The following RLIG1 variants were observed in gnomAD, a reference collection of about 807,000 sequenced individuals.
RLIG1 encodes the protein RNA 5'-phosphate and 3'-OH ligase 1.
At chr12:88,049,006 A>G in the RLIG1 span, 1 of 412,784 alleles carries the variant, frequency 2.4e-6, no homozygotes, top group Non-Finnish European at 4.3e-6. Context: ...TCAAGTATAT[A>G]CTTTTATAAT....
the RLIG1 span, chr12:88,043,985 C>A: frequency 2.5e-6 from 1 of 398,322 alleles, no homozygotes; most frequent in Non-Finnish European, 4.5e-6. Context: ...AAGAGAATAG[C>A]CTTGAGGCCA....
chr12:88,041,018 TAC>T, the RLIG1 span, among the ~76,000 whole-genome samples: 1 of 152,170 alleles, frequency 6.6e-6, no homozygotes, highest in Non-Finnish European at 1.5e-5. Context: ...TAAGTATGTT[TAC>T]ATTGTTGTGC....
At chr12:88,035,627 C>G in the RLIG1 span, 2 of 1,587,908 alleles carry the variant, frequency 1.3e-6, no homozygotes, top group Non-Finnish European at 1.7e-6. Context: ...GCCCTCCATT[C>G]GCACTGCTTG....
the RLIG1 span, chr12:88,035,666 C>A: frequency 6.2e-7 from 1 of 1,607,518 alleles, no homozygotes; most frequent in Non-Finnish European, 8.5e-7. Flanking sequence ...GCTTGGGCTC[C>A]GTGCAGCGGA....
At chr12:88,038,061 T>A in the RLIG1 span, among the ~76,000 whole-genome samples, 1 of 152,168 alleles carries the variant, frequency 6.6e-6, no homozygotes, top group African/African-American at 2.4e-5. Context: ...CAAGTGATTC[T>A]TACTAGTTTT....
the RLIG1 span, among the ~76,000 whole-genome samples, chr12:88,039,573 TTTA>T: frequency 6.6e-6 from 1 of 152,178 alleles, no homozygotes; most frequent in South Asian, 2.1e-4. Flanking sequence ...TCCTCAGATA[TTTA>T]CATGGTATTC....
the RLIG1 span, chr12:88,044,777 C>A: frequency 6.6e-6 from 1 of 152,484 alleles, no homozygotes. Flanking sequence ...CTTAGGCAAA[C>A]TCCCAGGAAG....
chr12:88,035,984 A>G, the RLIG1 span: 1 of 1,515,590 alleles, frequency 6.6e-7, no homozygotes, highest in Non-Finnish European at 8.8e-7. Flanking sequence ...GGAGATTCAA[A>G]CTTGTCCTCG....
the RLIG1 span, chr12:88,050,097 C>A: frequency 3.6e-6 from 1 of 281,040 alleles, no homozygotes; most frequent in Non-Finnish European, 6.5e-6. Context: ...TGACCCAAAA[C>A]TTAAGAACAT....
At chr12:88,044,282 CAAAAG>C in the RLIG1 span, 1 of 152,684 alleles carries the variant, frequency 6.5e-6, no homozygotes, top group Non-Finnish European at 1.5e-5. Context: ...AAAAAAACAA[CAAAAG>C]AAGAGGGAAT....
chr12:88,043,545 T>G, the RLIG1 span: 1 of 1,164,662 alleles, frequency 8.6e-7, no homozygotes, highest in Non-Finnish European at 1.2e-6. Flanking sequence ...TGTTTAGTAT[T>G]TTACGTTTTT....
the RLIG1 span, chr12:88,045,571 TTA>T: frequency 6.3e-7 from 1 of 1,594,098 alleles, no homozygotes; most frequent in Non-Finnish European, 8.6e-7. Context: ...ATTTTCTTCT[TTA>T]TATGATAGGT....
At chr12:88,042,325 C>G in the RLIG1 span, 1 of 152,282 alleles carries the variant, frequency 6.6e-6, no homozygotes, top group Admixed American at 6.5e-5. Flanking sequence ...ATAAAGAATA[C>G]TAGCACAGTG....
At chr12:88,042,875 G>GA in the RLIG1 span, 3 of 1,565,768 alleles carry the variant, frequency 1.9e-6, no homozygotes, top group Admixed American at 2.0e-5. Context: ...CAAACAAGCT[G>GA]AAAAAAGATT....
chr12:88,036,747 G>T, the RLIG1 span, among the ~76,000 whole-genome samples: 1 of 152,076 alleles, frequency 6.6e-6, no homozygotes, highest in Admixed American at 6.6e-5. Flanking sequence ...CCACCTAACT[G>T]GTCTTACTTG....
At chr12:88,036,045 A>T in the RLIG1 span, 1 of 1,432,568 alleles carries the variant, frequency 7.0e-7, no homozygotes, top group Non-Finnish European at 9.2e-7. Flanking sequence ...TTTTCAGGTC[A>T]GCACCTTTTG....
the RLIG1 span, chr12:88,040,398 A>G: frequency 1.9e-6 from 1 of 523,462 alleles, no homozygotes; most frequent in Admixed American, 3.9e-5. Context: ...CAAAAAGGTC[A>G]CAATTGTTAT....
chr12:88,048,304 T>G, the RLIG1 span: 2 of 1,603,786 alleles, frequency 1.2e-6, no homozygotes, highest in Non-Finnish European at 8.5e-7. Flanking sequence ...CCAGTTATTA[T>G]CAACATGAAC....
chr12:88,045,300 A>C, the RLIG1 span: 1 of 281,776 alleles, frequency 3.5e-6, no homozygotes, highest in East Asian at 8.1e-5. Context: ...GTGTCTTAGA[A>C]TAATGTTCAG....
Sources: allele counts gnomAD v4.1 joint callset (sites outside exome capture counted in the v4.1 genomes callset), GRCh38; gene constraint gnomAD v4.1.1; transcripts MANE v1.5; gene names NCBI Gene and HGNC (gene_info 2026-07-23, HGNC 2026-07-21).